Variants in MUTYH observed in about 807,000 individuals in gnomAD.
MUTYH encodes the protein mutY DNA glycosylase.
MUTYH carries 64 observed loss-of-function variants against 72.9 expected under a neutral mutation model. The observed-to-expected ratio is 0.88, with a 90% CI of 0.72 to 1.08. MUTYH has a LOEUF of 1.08. Among genes scored for constraint, MUTYH ranks in the 50% least tolerant of loss-of-function variants. MUTYH has a pLI of 0.00. For synonymous variants in MUTYH, 234 were observed against 263.1 expected (o/e 0.89, Z 1.07); for missense variants, 633 against 671.0 (o/e 0.94, Z 0.63).
intron 14 of MUTYH, among the ~76,000 whole-genome samples, chr1:45,330,953 CG>C (rs1557453884): frequency 6.6e-6 from 1 of 152,096 alleles, no homozygotes; most frequent in East Asian, 1.9e-4. Flanking sequence ...GGCATGGTGG[CG>C]GGCGCCTGTA....
intron 9 of MUTYH, 30 bp from the exon 10 acceptor site, chr1:45,332,340 G>A (rs754566803): frequency 6.2e-7 from 1 of 1,614,012 alleles, no homozygotes; most frequent in African/African-American, 1.3e-5. Context: ...CTGTGAAGCA[G>A]AGCTCCTTTG....
intron 1 of MUTYH, among the ~76,000 whole-genome samples, chr1:45,335,263 C>T (rs931619782): frequency 6.6e-6 from 1 of 152,128 alleles, no homozygotes; most frequent in Admixed American, 6.5e-5. Context: ...GAGGTATGTA[C>T]TAGTATCACC....
At chr1:45,331,980 T>C (rs766917476) in intron 11 of MUTYH, 43 bp downstream of exon 11, 1 of 1,613,934 alleles carries the variant, frequency 6.2e-7, no homozygotes, top group South Asian at 1.1e-5. Flanking sequence ...GGCTTCTGAC[T>C]GGGCCAGGAA....
chr1:45,339,559 G>T (rs180771252), intron 1 of MUTYH: 90 of 331,534 alleles, frequency 2.7e-4, no homozygotes, highest in Non-Finnish European at 4.4e-4. Flanking sequence ...CGACTATACC[G>T]CCTAGCTGCT....
chr1:45,329,948 C>G (rs1457710716), intron 15 of MUTYH: 1 of 164,776 alleles, frequency 6.1e-6, no homozygotes, highest in Non-Finnish European at 1.3e-5. Flanking sequence ...TGATAGCTCC[C>G]ATGGATGGGT....
At position 45,333,008 on chromosome 1, in the gene MUTYH, T is replaced by C. The variant is rs1225284661; in HGVS notation, c.379-49A>G. On this transcript the variant is annotated intron_variant, in intron 5 of 15. Coordinates refer to ENST00000456914, the MANE Select transcript of MUTYH (RefSeq NM_001048174.2). ...GAGACAAGGTCAAGGGTGAAGGTGG[T>C]AGAGGAAGCCTTCTCTACACCCACC... The C allele has an allele frequency of 3.7e-6, 6 of 1,613,514 alleles. No homozygotes were observed. The highest frequency in any genetic ancestry group is 5.1e-6 in the Non-Finnish European group (6 of 1,179,558).
intron 1 of MUTYH, among the ~76,000 whole-genome samples, chr1:45,339,051 C>G (rs1646461821): frequency 6.6e-6 from 1 of 152,136 alleles, no homozygotes; most frequent in Non-Finnish European, 1.5e-5. Flanking sequence ...CCATAAGCCA[C>G]TGCGCCCGGC....
intron 5 of MUTYH, 69 bp from the exon 6 acceptor site, chr1:45,333,028 C>T: frequency 3.1e-6 from 5 of 1,612,260 alleles, no homozygotes; most frequent in Middle Eastern, 1.7e-4. Context: ...CTTCTCTACA[C>T]CCACCCCAAA....
chr1:45,332,334 GA>G, intron 9 of MUTYH, 24 bp from the exon 10 acceptor site: 1 of 1,614,118 alleles, frequency 6.2e-7, no homozygotes, highest in Non-Finnish European at 8.5e-7. Flanking sequence ...ACACTGCTGT[GA>G]AGCAGAGCTC....
In MUTYH at chr1:45,331,547, G is replaced by GC; in HGVS notation, c.1111dup (p.Ala371GlyfsTer133). 1 of 1,613,984 alleles carries GC rather than the reference G, an allele frequency of 6.2e-7. No individual in the cohort carries two copies. Among genetic ancestry groups the GC allele is most frequent in the Non-Finnish European group, 8.5e-7 (1 of 1,180,038 alleles). Reference sequence around the variant, plus strand: ...CACGGACGGGAACTCCCACAGTCCTGCCAGCAGACCTGAGAGGGAGGGCAG... The same window carrying GC: ...CACGGACGGGAACTCCCACAGTCCTGCCCAGCAGACCTGAGAGGGAGGGCAG... On this transcript the variant is annotated frameshift_variant, in exon 13 of 16. Coordinates refer to ENST00000456914, the MANE Select transcript of MUTYH (RefSeq NM_001048174.2). LOFTEE classifies it high-confidence loss of function.
chr1:45,339,414 A>G (rs916112350), intron 1 of MUTYH, among the ~76,000 whole-genome samples: 11 of 151,038 alleles, frequency 7.3e-5, no homozygotes, highest in Non-Finnish European at 1.3e-4. Context: ...GGGTTTCACC[A>G]TGTTGGCCAG....
At chr1:45,333,200 T>C in intron 4 of MUTYH, 30 bp from the exon 5 acceptor site, 1 of 1,614,070 alleles carries the variant, frequency 6.2e-7, no homozygotes, top group East Asian at 2.2e-5. Flanking sequence ...ATGAGGACAC[T>C]GCTGACCTGC....
rs2149130681 is a variant in MUTYH, at chr1:45,331,869, A to G, written c.914-20T>C. ...TGGGAGCTGGGAACGGAGATCCCCG[A>G]ACCCTACTCAAGCCAAGAGGGCTTT... On this transcript the variant is annotated intron_variant, in intron 11 of 15. Coordinates refer to ENST00000456914, the MANE Select transcript of MUTYH (RefSeq NM_001048174.2). 1 of 1,600,850 alleles carries G rather than the reference A, an allele frequency of 6.2e-7. No individual in the cohort carries two copies. The highest frequency in any genetic ancestry group is 1.1e-5 in the South Asian group (1 of 89,876).
chr1:45,333,326 T>C lies in MUTYH; in HGVS notation c.265-2A>G. ...GTCCAGGTCCATCTCATCTTCTGCC[T>C]GTCAATGCAACCCCAGATGAGGAGT... On this transcript the variant is annotated splice_acceptor_variant, in intron 3 of 15. Transcript: ENST00000456914. LOFTEE classifies it high-confidence loss of function. 6.2e-7 allele frequency: 1 copy of C among 1,614,218 alleles called. No homozygotes were observed. The highest frequency in any genetic ancestry group is 8.5e-7 in the Non-Finnish European group (1 of 1,180,044).
intron 8 of MUTYH, 36 bp from the exon 9 acceptor site, chr1:45,332,524 G>A (rs2149147036): frequency 6.2e-7 from 1 of 1,614,034 alleles, no homozygotes; most frequent in Non-Finnish European, 8.5e-7. Flanking sequence ...GCCTGGGCTG[G>A]GAGGAAGGAG....
chr1:45,329,770 G>A, intron 15 of MUTYH: 1 of 319,998 alleles, frequency 3.1e-6, no homozygotes, highest in Non-Finnish European at 5.9e-6. Context: ...CTTGAGCACT[G>A]CAGCCTGCAC....
At position 45,334,357 on chromosome 1, in the gene MUTYH, C is replaced by A. The variant is rs763711913; in HGVS notation, c.115+34G>T. ...CCCAGCCTGAATCTGCCTTTCATGG[C>A]CAATGAGCCTTGGGCCACAACCTAG... On this transcript the variant is annotated intron_variant, in intron 2 of 15. Transcript: ENST00000456914. The A allele has an allele frequency of 2.5e-6, 4 of 1,613,386 alleles. No individual in the cohort carries two copies. In the South Asian group the frequency reaches 3.3e-5, roughly 13 times the overall value.
chr1:45,333,464 G>C lies in MUTYH; in HGVS notation c.213C>G (p.Ser71Arg), dbSNP rs752209909. The C allele has an allele frequency of 1.2e-5, 20 of 1,614,076 alleles. No individual in the cohort carries two copies. The highest frequency in any genetic ancestry group is 3.3e-5 in the South Asian group (3 of 91,088). Reference sequence around the variant, plus strand: ...TCTCTTGGTCGTACCAGCTTAGCAGGCTCCCTCGGAAGGCTGTGACTTCAG... The same window carrying C: ...TCTCTTGGTCGTACCAGCTTAGCAGCCTCCCTCGGAAGGCTGTGACTTCAG... Reference protein sequence around the residue: ...DVAEVTAFRGSLLSWYDQEKR... With the variant: ...DVAEVTAFRGRLLSWYDQEKR... Residue 71 changes from serine to arginine, a missense_variant, in exon 3 of 16, where the codon AGC (serine) becomes AGG (arginine). Coordinates refer to ENST00000456914, the MANE Select transcript of MUTYH (RefSeq NM_001048174.2).
intron 14 of MUTYH, 119 bp downstream of exon 14, chr1:45,331,063 C>T (rs2149109102): frequency 7.2e-7 from 1 of 1,387,350 alleles, no homozygotes; most frequent in Non-Finnish European, 1.0e-6. Context: ...CCAGCCTGGG[C>T]AACAGAGCGA....
Sources: allele counts gnomAD v4.1 joint callset (sites outside exome capture counted in the v4.1 genomes callset), GRCh38; gene constraint gnomAD v4.1.1; transcripts MANE v1.5; gene names NCBI Gene and HGNC (gene_info 2026-07-23, HGNC 2026-07-21).